The following CSNK1E variants were observed in gnomAD, a reference collection of about 807,000 sequenced individuals.
The protein encoded by CSNK1E is casein kinase 1 epsilon.
CSNK1E carries 17 observed loss-of-function variants against 46.1 expected under a neutral mutation model. That is an observed-to-expected ratio of 0.37 (90% CI 0.25 to 0.55). CSNK1E has a LOEUF of 0.55. CSNK1E is among the 20% of genes least tolerant of loss of function. The pLI, the probability that CSNK1E is intolerant of heterozygous loss-of-function variation, is 0.82. For missense variants in CSNK1E, 386 were observed against 595.4 expected (o/e 0.65, Z 3.66); for synonymous variants, 241 against 242.6 (o/e 0.99, Z 0.06).
At chr22:38,316,238 C>T (rs2092745276) in intron 1 of CSNK1E, among the ~76,000 whole-genome samples, 1 of 152,232 alleles carries the variant, frequency 6.6e-6, no homozygotes, top group Non-Finnish European at 1.5e-5. Flanking sequence ...AACACCATCG[C>T]CTACCCCTGA....
rs2092628677 is a variant in CSNK1E, at chr22:38,294,391, A to G, written c.1029T>C (p.Ser343=). ...GCGTGGAAGCCACGGGCTCGGCGGC[A>G]CTGCGGAGCCGGTTGGCAGTGGCCC... is the stretch of plus-strand genomic sequence containing the variant. The part of the protein sequence containing the change: ...PTGATANRLR[S]AAEPVASTPA... The change falls in exon 8 of 11, where the codon AGT becomes AGC. Residue 343 remains serine (S), a synonymous_variant. Coordinates refer to ENST00000396832, the MANE Select transcript of CSNK1E (RefSeq NM_152221.3). This position sits in a 1 kb window ranked among gnomAD's most constrained non-coding sequence, Gnocchi z 5.5. The G allele has an allele frequency of 1.9e-6, 3 of 1,556,114 alleles. No individual in the cohort carries two copies. The African/African-American group carries it at 4.1e-5, about 21-fold the overall frequency.
chr22:38,301,288 G>C (rs1480314911), intron 4 of CSNK1E, among the ~76,000 whole-genome samples: 1 of 152,180 alleles, frequency 6.6e-6, no homozygotes, highest in Non-Finnish European at 1.5e-5. Context: ...CAGGACTTAG[G>C]GAGCCAGAGA....
Position 38,298,909 on chromosome 22 carries a change from G to C in CSNK1E, c.762C>G (p.Phe254Leu), listed in dbSNP as rs1223607526. The change falls in exon 7 of 11, where the codon TTC becomes TTG. Residue 254 changes from phenylalanine (F) to leucine (L), a missense_variant. Around this residue, in one of 2 missense-constraint regions of CSNK1E, gnomAD observed 212 missense variants for 410.2 expected, o/e 0.52. Transcript: ENST00000396832. The surrounding 1 kb of genome is among the most constrained non-coding windows in gnomAD (Gnocchi z 4.2). ...YPSEFSTYLN[F>L]CRSLRFDDKP... ...TGTCGTCAAACCGCAGGGAGCGGCA[G>C]AAGTTGAGGTATGTTGAGAATTCGG... is the stretch of plus-strand genomic sequence containing the variant. 1.9e-6 allele frequency: 3 copies of C among 1,614,224 alleles called. No homozygotes were observed. The highest frequency in any genetic ancestry group is 1.7e-5 in the Admixed American group (1 of 60,034).
chr22:38,303,021 GCAGAGGGCCTCTGT>G lies in CSNK1E; in HGVS notation c.188-26_188-13del. 1 of 1,608,382 alleles carries G rather than the reference GCAGAGGGCCTCTGT, an allele frequency of 6.2e-7. No individual in the cohort carries two copies. The highest frequency in any genetic ancestry group is 8.5e-7 in the Non-Finnish European group (1 of 1,178,534). On this transcript the variant is annotated splice_polypyrimidine_tract_variant and intron_variant, in intron 3 of 10. Transcript: ENST00000396832. The surrounding 1 kb of genome is among the most constrained non-coding windows in gnomAD (Gnocchi z 4.7). ...GGACGGGATCCCCACTGGGGGTCAA[GCAGAGGGCCTCTGT>G]CAGGGGTCAGAGGCAGGCAGCCAGC... is the stretch of plus-strand genomic sequence containing the variant.
At chr22:38,297,674 G>T in intron 7 of CSNK1E, 1 of 995,494 alleles carries the variant, frequency 1.0e-6, no homozygotes, top group Non-Finnish European at 1.2e-6. Context: ...CTATGAGTCT[G>T]TCCTGGGACC....
intron 1 of CSNK1E, among the ~76,000 whole-genome samples, chr22:38,314,746 T>A (rs1933570840): frequency 6.6e-6 from 1 of 152,148 alleles, no homozygotes; most frequent in African/African-American, 2.4e-5. Context: ...GAGGGTCTCC[T>A]AAGAGGGCCC....
chr22:38,315,197 A>T (rs1307626881), intron 1 of CSNK1E, among the ~76,000 whole-genome samples: 1 of 152,168 alleles, frequency 6.6e-6, no homozygotes, highest in Non-Finnish European at 1.5e-5. Context: ...TCCCACACTC[A>T]CAAACAGGGC....
chr22:38,312,819 C>A (rs892179214), intron 2 of CSNK1E, among the ~76,000 whole-genome samples: 5 of 152,194 alleles, frequency 3.3e-5, no homozygotes, highest in African/African-American at 1.2e-4. Context: ...CACAGCCACA[C>A]AAAGCCACGT....
chr22:38,307,193 T>C (rs1270694444), intron 2 of CSNK1E, among the ~76,000 whole-genome samples: 4 of 151,506 alleles, frequency 2.6e-5, no homozygotes, highest in Non-Finnish European at 5.9e-5. Flanking sequence ...GTAAATAATA[T>C]AAAAATTAAA....
Position 38,294,647 on chromosome 22 carries a change from C to G in CSNK1E, c.886-113G>C. ...GAGGCCAGGTGGATATCTCAGAAAC[C>G]TTCTGCTCCAGCCTCCCTGACAAGC... On this transcript the variant is annotated intron_variant, in intron 7 of 10. Coordinates refer to ENST00000396832, the MANE Select transcript of CSNK1E (RefSeq NM_152221.3). This position sits in a 1 kb window ranked among gnomAD's most constrained non-coding sequence, Gnocchi z 5.5. The G allele has an allele frequency of 9.6e-7, 1 of 1,037,558 alleles. No individual in the cohort carries two copies. The highest frequency in any genetic ancestry group is 1.4e-6 in the Non-Finnish European group (1 of 731,206). The allele number at this position is 1,037,558 out of a possible 1,614,324, so 64.3% of individuals were successfully genotyped here.
In CSNK1E at chr22:38,300,636, C is replaced by T; in HGVS notation, c.565+88G>A. 1 of 1,283,372 alleles carries T rather than the reference C, an allele frequency of 7.8e-7. No individual in the cohort carries two copies. The highest frequency in any genetic ancestry group is 1.1e-6 in the Non-Finnish European group (1 of 911,428). 79.5% of individuals were successfully genotyped at this position (1,283,372 alleles called of 1,614,324 possible). A position where few individuals can be genotyped will look rare whatever the true frequency, so the allele number is the denominator to read the frequency against. On this transcript the variant is annotated intron_variant, in intron 5 of 10. Coordinates refer to ENST00000396832, the MANE Select transcript of CSNK1E (RefSeq NM_152221.3). The surrounding 1 kb of genome is among the most constrained non-coding windows in gnomAD (Gnocchi z 4.4). ...CACTAGAAAAGAGCCTGGGGGCCTC[C>T]ATCAGGGTAGGGGGTGAGAGGGCTC... is the stretch of plus-strand genomic sequence containing the variant.
chr22:38,305,319 A>T (rs1305975780), intron 2 of CSNK1E, among the ~76,000 whole-genome samples: 1 of 151,970 alleles, frequency 6.6e-6, no homozygotes, highest in African/African-American at 2.4e-5. Flanking sequence ...GCATCCACTC[A>T]ACGTTTAATA....
rs942851915 is a variant in CSNK1E, at chr22:38,298,550, C to G, written c.885+236G>C. On this transcript the variant is annotated intron_variant, in intron 7 of 10. Coordinates refer to ENST00000396832, the MANE Select transcript of CSNK1E (RefSeq NM_152221.3). The surrounding 1 kb of genome is among the most constrained non-coding windows in gnomAD (Gnocchi z 4.2). ...GAGGGACCCCAGGTGAAGCCAGATC[C>G]TCCTTGTTCCGACGGGAGACAGCGC... is the stretch of plus-strand genomic sequence containing the variant. The G allele has an allele frequency of 1.9e-6, 1 of 528,374 alleles. No homozygotes were observed. The allele number at this position is 528,374 out of a possible 1,614,324, so 32.7% of individuals were successfully genotyped here.
At chr22:38,302,416 G>C (rs535446945) in intron 4 of CSNK1E, among the ~76,000 whole-genome samples, 2 of 151,824 alleles carry the variant, frequency 1.3e-5, no homozygotes, top group Admixed American at 6.6e-5. Context: ...GCCCTGACTC[G>C]GCAGGTCTGG....
intron 1 of CSNK1E, among the ~76,000 whole-genome samples, chr22:38,315,082 GAC>G (rs2092738201): frequency 6.6e-6 from 1 of 152,190 alleles, no homozygotes. Flanking sequence ...TCCTTTCACA[GAC>G]AGGGTACTCA....
At chr22:38,310,754 G>A (rs2092717270) in intron 2 of CSNK1E, among the ~76,000 whole-genome samples, 1 of 152,214 alleles carries the variant, frequency 6.6e-6, no homozygotes, top group Admixed American at 6.5e-5. Context: ...AGGGAGAAGG[G>A]GCAGAAGCCA....
In CSNK1E at chr22:38,303,651, C is replaced by T. The variant is rs2092685404; in HGVS notation, c.77-403G>A. Among the ~76,000 whole-genome samples the T allele has an allele frequency of 6.6e-6, 1 of 152,198 alleles. No homozygotes were observed. Among genetic ancestry groups the T allele is most frequent in the Non-Finnish European group, 1.5e-5 (1 of 68,028 alleles). On this transcript the variant is annotated intron_variant, in intron 2 of 10. Transcript: ENST00000396832. The surrounding 1 kb of genome is among the most constrained non-coding windows in gnomAD (Gnocchi z 4.7). ...GCAGAAGAGGCCCAATGGGGCTGGG[C>T]TGCCGAACACACCAGAACAAGCCAG...
At position 38,300,127 on chromosome 22, in the gene CSNK1E, T is replaced by C; in HGVS notation, c.566-62A>G. On this transcript the variant is annotated intron_variant, in intron 5 of 10. Coordinates refer to ENST00000396832, the MANE Select transcript of CSNK1E (RefSeq NM_152221.3). The surrounding 1 kb of genome is among the most constrained non-coding windows in gnomAD (Gnocchi z 4.4). ...GTCCACTCAGGCCCCTAACTCATCC[T>C]CTGGGTCATGCTCCTCACAATGCAC... The C allele has an allele frequency of 6.5e-7, 1 of 1,528,192 alleles. No individual in the cohort carries two copies. The highest frequency in any genetic ancestry group is 1.2e-5 in the South Asian group (1 of 86,362). The allele number at this position is 1,528,192 out of a possible 1,614,324, so 94.7% of individuals were successfully genotyped here. A position where few individuals can be genotyped will look rare whatever the true frequency, so the allele number is the denominator to read the frequency against.
At chr22:38,308,793 G>A (rs1187378059) in intron 2 of CSNK1E, among the ~76,000 whole-genome samples, 13 of 152,200 alleles carry the variant, frequency 8.5e-5, no homozygotes, top group Admixed American at 6.5e-4. Flanking sequence ...AAACAGGACT[G>A]TACTGGACAG....
Sources: allele counts gnomAD v4.1 joint callset (sites outside exome capture counted in the v4.1 genomes callset), GRCh38; gene constraint gnomAD v4.1.1; regional missense constraint gnomAD v4.1.1; non-coding constraint Gnocchi (gnomAD v3.1); transcripts MANE v1.5; gene names NCBI Gene and HGNC (gene_info 2026-07-23, HGNC 2026-07-21).